Variants in CSMD1 observed in about 807,000 individuals in gnomAD.
CSMD1 encodes CUB and sushi domain-containing protein 1.
CSMD1 carries 213 observed loss-of-function variants against 417.5 expected under a neutral mutation model. The ratio of observed to expected loss-of-function variants is 0.51; its 90% CI spans 0.46 to 0.57. CSMD1 has a LOEUF of 0.57. CSMD1 is among the 20% of genes least tolerant of loss of function. The probability of loss-of-function intolerance (pLI) is 0.00; values close to 1 mark genes in which losing one functional copy is unlikely to be tolerated. For missense variants in CSMD1, 6,923 were observed against 4,529.7 expected (o/e 1.53, Z -15.17); for synonymous variants, 2,862 against 1,736.8 (o/e 1.65, Z -16.11).
At chr8:4,852,481 G>A (rs1801535633) in intron 1 of CSMD1, among the ~76,000 whole-genome samples, 1 of 152,052 alleles carries the variant, frequency 6.6e-6, no homozygotes, top group Non-Finnish European at 1.5e-5. Flanking sequence ...ACCAGTTGAG[G>A]CCTCATCTAC....
At position 3,983,810 on chromosome 8, in the gene CSMD1, T is replaced by C. The variant is rs139918923; in HGVS notation, c.818+14093A>G. ...TCGCAGTTCTGATGGGGCTGTCAAA[T>C]GCAGCTCCAGAGCACCTGGCAGATC... On this transcript the variant is annotated intron_variant, in intron 5 of 69. Coordinates refer to ENST00000635120, the MANE Select transcript of CSMD1 (RefSeq NM_033225.6). Among the ~76,000 whole-genome samples the C allele has an allele frequency of 1.8e-4, 28 of 152,222 alleles. No homozygotes were observed. The East Asian group carries it at 4.8e-3, about 26-fold the overall frequency.
intron 3 of CSMD1, among the ~76,000 whole-genome samples, chr8:4,103,598 A>G (rs1280036785): frequency 6.6e-6 from 1 of 152,130 alleles, no homozygotes; most frequent in Non-Finnish European, 1.5e-5. Context: ...ACTCATTCAG[A>G]TATTTTCATG....
intron 3 of CSMD1, among the ~76,000 whole-genome samples, chr8:4,108,381 G>C (rs893430068): frequency 2.6e-5 from 4 of 152,118 alleles, no homozygotes; most frequent in East Asian, 1.9e-4. Context: ...TCTGTATCAA[G>C]AACTACTCTC....
chr8:3,979,842 C>G (rs184147592), intron 5 of CSMD1, among the ~76,000 whole-genome samples: 16 of 152,280 alleles, frequency 1.1e-4, no homozygotes, highest in African/African-American at 3.9e-4. Flanking sequence ...AGAGAAGTGT[C>G]TAAATTTTCA....
chr8:4,423,559 T>C (rs1797371410), intron 2 of CSMD1, among the ~76,000 whole-genome samples: 1 of 151,946 alleles, frequency 6.6e-6, no homozygotes, highest in African/African-American at 2.4e-5. Context: ...AAATGCTAAA[T>C]AAATGGACAG....
chr8:3,141,806 T>TTC (rs1554439363), intron 41 of CSMD1, among the ~76,000 whole-genome samples: 1 of 150,894 alleles, frequency 6.6e-6, no homozygotes, highest in Non-Finnish European at 1.5e-5. Flanking sequence ...TTATCTTTTT[T>TTC]TTTTTTTCTG....
At chr8:3,939,654 G>A (rs56363841) in intron 5 of CSMD1, among the ~76,000 whole-genome samples, 51,161 of 151,788 alleles carry the variant, frequency 0.34, 8,700 homozygotes, top group African/African-American at 0.4. Context: ...AAGAAAATGT[G>A]GTATATATAC....
At chr8:4,934,730 ATCT>A (rs1807483520) in intron 1 of CSMD1, among the ~76,000 whole-genome samples, 1 of 152,180 alleles carries the variant, frequency 6.6e-6, no homozygotes, top group Admixed American at 6.5e-5. Flanking sequence ...CCATCTATAT[ATCT>A]ATAAACTATC....
At chr8:4,883,004 T>A (rs1803508677) in intron 1 of CSMD1, among the ~76,000 whole-genome samples, 1 of 152,128 alleles carries the variant, frequency 6.6e-6, no homozygotes, top group South Asian at 2.1e-4. Flanking sequence ...AATTGACAAT[T>A]AGCTGAGAGC....
chr8:4,728,377 G>C (rs939000775), intron 1 of CSMD1, among the ~76,000 whole-genome samples: 1 of 151,908 alleles, frequency 6.6e-6, no homozygotes, highest in Admixed American at 6.6e-5. Flanking sequence ...CATGATATAA[G>C]GGACGTATTT....
chr8:3,608,226 C>T (rs1214427049), intron 8 of CSMD1, among the ~76,000 whole-genome samples: 1 of 150,148 alleles, frequency 6.7e-6, no homozygotes, highest in African/African-American at 2.5e-5. Context: ...TGAAGGTGGG[C>T]AGGTGCCACC....
chr8:3,793,575 T>C (rs553608974), intron 5 of CSMD1, among the ~76,000 whole-genome samples: 1 of 151,778 alleles, frequency 6.6e-6, no homozygotes, highest in East Asian at 1.9e-4. Flanking sequence ...CCTGCCACCC[T>C]GTACCCTAAT....
intron 2 of CSMD1, among the ~76,000 whole-genome samples, chr8:4,420,714 C>T (rs188189317): frequency 1.3e-4 from 20 of 152,174 alleles, no homozygotes; most frequent in Admixed American, 9.8e-4. Context: ...GCAAAGGCCC[C>T]GTGCAATAGG....
At position 2,984,354 on chromosome 8, in the gene CSMD1, TC is replaced by T. The variant is rs201476172; in HGVS notation, c.8378-5555del. Among the ~76,000 whole-genome samples, 950 of 152,236 alleles carry T rather than the reference TC, an allele frequency of 6.2e-3. 11 individuals carry two copies. Among genetic ancestry groups the T allele is most frequent in the Middle Eastern group, 0.014 (4 of 294 alleles). Reference sequence around the variant, plus strand: ...GCGTTGAGGCTATTTATTTACTTTTTCTTTTTTCCCCCGAGACCACGTCTTG... The same window carrying T: ...GCGTTGAGGCTATTTATTTACTTTTTTTTTTTCCCCCGAGACCACGTCTTG... On this transcript the variant is annotated intron_variant, in intron 54 of 69. Coordinates refer to ENST00000635120, the MANE Select transcript of CSMD1 (RefSeq NM_033225.6).
At chr8:4,856,778 G>A (rs1018133662) in intron 1 of CSMD1, among the ~76,000 whole-genome samples, 4 of 149,898 alleles carry the variant, frequency 2.7e-5, no homozygotes, top group Non-Finnish European at 4.5e-5. Context: ...AGTCCTGAGT[G>A]ACCTACAAAG....
At chr8:4,972,001 C>T (rs1387796079) in intron 1 of CSMD1, among the ~76,000 whole-genome samples, 1 of 151,988 alleles carries the variant, frequency 6.6e-6, no homozygotes, top group Non-Finnish European at 1.5e-5. Context: ...ATCTTCAAAG[C>T]AGCAGCCAAC....
At chr8:4,241,696 G>A (rs1050012979) in intron 3 of CSMD1, among the ~76,000 whole-genome samples, 5 of 135,088 alleles carry the variant, frequency 3.7e-5, no homozygotes, top group African/African-American at 1.1e-4. Context: ...GATTTGGAGT[G>A]ATTTTTTTTT....
chr8:3,239,704 G>A (rs1248509562), intron 26 of CSMD1, among the ~76,000 whole-genome samples: 1 of 152,214 alleles, frequency 6.6e-6, no homozygotes, highest in Non-Finnish European at 1.5e-5. Context: ...TAGTACTATA[G>A]CATAGCCTGC....
intron 48 of CSMD1, among the ~76,000 whole-genome samples, chr8:3,090,649 TAAAC>T (rs1440301272): frequency 6.6e-6 from 1 of 152,190 alleles, no homozygotes; most frequent in Non-Finnish European, 1.5e-5. Context: ...AACACAGTAA[TAAAC>T]AATCCTCCGT....
Sources: allele counts gnomAD v4.1 joint callset (sites outside exome capture counted in the v4.1 genomes callset), GRCh38; gene constraint gnomAD v4.1.1; transcripts MANE v1.5; gene names NCBI Gene and HGNC (gene_info 2026-07-23, HGNC 2026-07-21).